The following TENM3 variants were observed in gnomAD, a reference collection of about 807,000 sequenced individuals.
The protein encoded by TENM3 is teneurin transmembrane protein 3.
In TENM3, 63 loss-of-function variants were observed where a neutral mutation model predicts 255.1. The ratio of observed to expected loss-of-function variants is 0.25; its 90% CI spans 0.20 to 0.30. TENM3 has a LOEUF of 0.30. TENM3 is among the 10% of genes least tolerant of loss of function. TENM3 has a pLI of 1.00. For missense variants in TENM3, 2,929 were observed against 3,461.1 expected, an observed-to-expected ratio of 0.85 and a Z score of 3.86; for synonymous variants, 1,306 against 1,322.3, an observed-to-expected ratio of 0.99 and a Z score of 0.27.
the TENM3 span, among the ~76,000 whole-genome samples, chr4:182,129,916 G>A: frequency 6.6e-6 from 1 of 152,014 alleles, no homozygotes; most frequent in Non-Finnish European, 1.5e-5. Context: ...AAATACATAA[G>A]TATATGTGAG....
chr4:181,849,941 TCTCTCTCTCA>T, the TENM3 span, among the ~76,000 whole-genome samples: 4 of 45,554 alleles, frequency 8.8e-5, no homozygotes, highest in Admixed American at 3.1e-4. Context: ...TCTCTCTCTC[TCTCTCTCTCA>T]CACACACACA....
intron 1 of TENM3, among the ~76,000 whole-genome samples, chr4:182,204,117 A>C (rs1159653706): frequency 6.6e-6 from 1 of 152,184 alleles, no homozygotes; most frequent in Non-Finnish European, 1.5e-5. Flanking sequence ...GGGGGACAAA[A>C]GAAAGAAAAG....
chr4:181,733,249 C>T, the TENM3 span, among the ~76,000 whole-genome samples: 7,289 of 152,284 alleles, frequency 0.048, 243 homozygotes, highest in Middle Eastern at 0.15. Context: ...TATAAACATA[C>T]ATTAAGTCCA....
chr4:182,591,745 A>G (rs905996268), intron 3 of TENM3, among the ~76,000 whole-genome samples: 1 of 152,216 alleles, frequency 6.6e-6, no homozygotes, highest in African/African-American at 2.4e-5. Flanking sequence ...GGTTTATGTG[A>G]AAGTGATTTT....
the TENM3 span, among the ~76,000 whole-genome samples, chr4:181,571,820 T>C: frequency 3.3e-5 from 5 of 152,186 alleles, no homozygotes; most frequent in African/African-American, 1.2e-4. Flanking sequence ...TTCCATCCTT[T>C]ATAGTGTATG....
chr4:181,470,401 T>A, the TENM3 span, among the ~76,000 whole-genome samples: 2 of 152,166 alleles, frequency 1.3e-5, no homozygotes, highest in Non-Finnish European at 2.9e-5. Flanking sequence ...ATGTGCTTGA[T>A]GATAAGTTGT....
chr4:182,796,507 G>A (rs919779135), intron 26 of TENM3, 130 bp from the exon 27 acceptor site: 32 of 878,386 alleles, frequency 3.6e-5, no homozygotes, highest in Non-Finnish European at 4.8e-5. Flanking sequence ...TTTGTAGGAC[G>A]AAAGCAAACA....
intron 2 of TENM3, among the ~76,000 whole-genome samples, chr4:182,328,452 G>C (rs764904948): frequency 2.0e-5 from 3 of 152,118 alleles, no homozygotes. Context: ...CTGACCTCAG[G>C]TGATCCGCCC....
At chr4:182,025,884 G>C in the TENM3 span, among the ~76,000 whole-genome samples, 1 of 151,966 alleles carries the variant, frequency 6.6e-6, no homozygotes, top group Admixed American at 6.6e-5. Context: ...GTGCAGGTTT[G>C]TTACATAGGT....
At position 182,758,317 on chromosome 4, in the gene TENM3, A is replaced by G. The variant is rs563197501; in HGVS notation, c.4892+3058A>G. The stretch of plus-strand genomic sequence containing the variant: ...GGTCAGAAACTTTAAAACACATTCA[A>G]AAGGAAATGCACAAAAAGAAAAGGG... On this transcript the variant is annotated intron_variant, in intron 22 of 27. Transcript: ENST00000511685. Among the ~76,000 whole-genome samples the G allele has an allele frequency of 1.2e-4, 19 of 152,276 alleles. No individual in the cohort carries two copies. The South Asian group carries it at 3.9e-3, about 32-fold the overall frequency.
chr4:182,729,517 T>C (rs546250484), intron 14 of TENM3, among the ~76,000 whole-genome samples: 4 of 152,334 alleles, frequency 2.6e-5, no homozygotes, highest in South Asian at 2.1e-4. Flanking sequence ...GCACTTTTTT[T>C]TTTTTAGCTG....
chr4:182,225,401 G>A, intron 1 of TENM3, among the ~76,000 whole-genome samples: 1 of 152,062 alleles, frequency 6.6e-6, no homozygotes, highest in East Asian at 1.9e-4. Context: ...GGGCCCTTGG[G>A]GATTTTGCTT....
chr4:182,435,343 AT>A (rs1232399996), intron 3 of TENM3, among the ~76,000 whole-genome samples: 2 of 152,042 alleles, frequency 1.3e-5, no homozygotes, highest in South Asian at 2.1e-4. Flanking sequence ...CTGCAGGTGA[AT>A]TTTTTTTCTT....
intron 3 of TENM3, among the ~76,000 whole-genome samples, chr4:182,463,367 G>GTC (rs1212206408): frequency 6.6e-6 from 1 of 152,068 alleles, no homozygotes; most frequent in Non-Finnish European, 1.5e-5. Flanking sequence ...GATGGCCACT[G>GTC]TCATTTATTG....
At chr4:181,862,671 A>G in the TENM3 span, among the ~76,000 whole-genome samples, 2,987 of 152,310 alleles carry the variant, frequency 0.02, 44 homozygotes, top group Non-Finnish European at 0.032. Context: ...TAAAAAATGG[A>G]ATAAAAACGA....
chr4:181,546,543 G>A, the TENM3 span, among the ~76,000 whole-genome samples: 5 of 144,328 alleles, frequency 3.5e-5, no homozygotes, highest in Admixed American at 1.5e-4. Context: ...GTGAAACCCC[G>A]TCTCTACTAA....
intron 3 of TENM3, among the ~76,000 whole-genome samples, chr4:182,440,821 G>A (rs1316410252): frequency 4.9e-5 from 7 of 143,948 alleles, no homozygotes; most frequent in Non-Finnish European, 1.1e-4. Context: ...AGCTCTAGAG[G>A]TTTTTTTTTT....
At chr4:182,471,007 T>C (rs1432199219) in intron 3 of TENM3, among the ~76,000 whole-genome samples, 1 of 152,222 alleles carries the variant, frequency 6.6e-6, no homozygotes, top group East Asian at 1.9e-4. Flanking sequence ...CGTCCGTCAA[T>C]GTGAATACAA....
intron 3 of TENM3, among the ~76,000 whole-genome samples, chr4:182,555,785 C>T (rs1416968876): frequency 6.6e-6 from 1 of 151,354 alleles, no homozygotes; most frequent in African/African-American, 2.4e-5. Flanking sequence ...TTTTAAATTT[C>T]CTGAAAATTA....
Sources: allele counts gnomAD v4.1 joint callset (sites outside exome capture counted in the v4.1 genomes callset), GRCh38; gene constraint gnomAD v4.1.1; transcripts MANE v1.5; gene names NCBI Gene and HGNC (gene_info 2026-07-23, HGNC 2026-07-21).